The following POLQ variants were observed in gnomAD, a reference collection of about 807,000 sequenced individuals.
The protein encoded by POLQ is epididymis secretory sperm binding protein.
POLQ carries 233 observed loss-of-function variants against 259.2 expected under a neutral mutation model. The ratio of observed to expected loss-of-function variants is 0.90; its 90% CI spans 0.81 to 1.00. The LOEUF is 1.00. POLQ is among the 50% of genes least tolerant of loss of function. The pLI is 0.00. For synonymous variants in POLQ, 1,025 were observed against 1,048.8 expected (o/e 0.98, Z 0.44); for missense variants, 2,871 against 3,051.6 (o/e 0.94, Z 1.39).
In POLQ at chr3:121,485,081, A is replaced by G. The variant is rs533454804; in HGVS notation, c.5733T>C (p.Asp1911=). The G allele has an allele frequency of 1.2e-6, 2 of 1,612,962 alleles. No individual in the cohort carries two copies. Among genetic ancestry groups the G allele is most frequent in the African/African-American group, 2.7e-5 (2 of 75,008 alleles). The change falls in exon 17 of 30, where the codon GAT becomes GAC. Residue 1911 remains aspartate, a synonymous_variant. Transcript: ENST00000264233. ...CCTTCTGCAGTGAAAAATAATAGGC[A>G]TCCCTTCCACCCCAGCATACTGCCA... ...VGLAVCWGGR[D]AYYFSLQKEQ...
intron 5 of POLQ, among the ~76,000 whole-genome samples, chr3:121,535,136 CAA>C (rs1364487800): frequency 2.0e-5 from 3 of 152,144 alleles, no homozygotes; most frequent in African/African-American, 4.8e-5. Context: ...TGTTCTATCA[CAA>C]GAGAGATGTG....
intron 15 of POLQ, among the ~76,000 whole-genome samples, chr3:121,490,666 T>C (rs1560098406): frequency 1.3e-5 from 2 of 152,240 alleles, no homozygotes; most frequent in East Asian, 1.9e-4. Context: ...TGGGTGGTTC[T>C]GTAGTTTTTA....
chr3:121,496,715 C>G (rs1182586249), intron 14 of POLQ, 93 bp downstream of exon 14: 2 of 1,297,260 alleles, frequency 1.5e-6, no homozygotes, highest in South Asian at 1.4e-5. Context: ...TTTAAAGAAG[C>G]CTACAATAAA....
intron 9 of POLQ, among the ~76,000 whole-genome samples, chr3:121,513,270 C>T (rs551921316): frequency 1.3e-5 from 2 of 152,064 alleles, no homozygotes; most frequent in Admixed American, 1.3e-4. Flanking sequence ...TTATCAATGG[C>T]TGTTTATCCC....
intron 24 of POLQ, among the ~76,000 whole-genome samples, chr3:121,465,660 A>G (rs907167380): frequency 1.6e-4 from 25 of 152,088 alleles, no homozygotes; most frequent in African/African-American, 5.6e-4. Context: ...CCCTCTCATT[A>G]TTATCTGTTA....
At chr3:121,521,429 T>C (rs1371641384) in intron 8 of POLQ, 3 of 152,232 alleles carry the variant, frequency 2.0e-5, no homozygotes, top group Non-Finnish European at 4.4e-5. Context: ...TTTAAAAGTT[T>C]TAACATGCTA....
At chr3:121,441,302 C>T (rs1384670480) in intron 26 of POLQ, among the ~76,000 whole-genome samples, 4 of 152,146 alleles carry the variant, frequency 2.6e-5, no homozygotes. Flanking sequence ...AATACACTCG[C>T]TTTAAACAGC....
chr3:121,541,495 T>A lies in POLQ; in HGVS notation c.344-16A>T. On this transcript the variant is annotated splice_polypyrimidine_tract_variant and intron_variant, in intron 2 of 29. Transcript: ENST00000264233. ...CTTGTAGGAGCTAAAACATGATTAT[T>A]CCACAAGATTATAAGAAAAAAGTAA... 1 of 1,577,010 alleles carries A rather than the reference T, an allele frequency of 6.3e-7. No homozygotes were observed. Among genetic ancestry groups the A allele is most frequent in the Non-Finnish European group, 8.6e-7 (1 of 1,163,956 alleles).
Position 121,457,387 on chromosome 3 carries a change from A to T in POLQ, c.7152+2663T>A, listed in dbSNP as rs562072447. Among the ~76,000 whole-genome samples, 29 of 152,336 alleles carry T rather than the reference A, an allele frequency of 1.9e-4. 1 individual carries two copies. In the East Asian group the frequency reaches 5.6e-3, roughly 29 times the overall value. On this transcript the variant is annotated intron_variant, in intron 25 of 29. Coordinates refer to ENST00000264233, the MANE Select transcript of POLQ (RefSeq NM_199420.4). ...ACAAAAGCCAAAATTGACAAATGGG[A>T]TCTAATTAAACTAACGAGCTTCTGC... is the stretch of plus-strand genomic sequence containing the variant.
rs943782840 is a variant in POLQ at position 121,489,526 on chromosome 3, C to G, written c.3405G>C (p.Glu1135Asp). 6.2e-7 allele frequency: 1 copy of G among 1,613,610 alleles called. No homozygotes were observed. Among genetic ancestry groups the G allele is most frequent in the Non-Finnish European group, 8.5e-7 (1 of 1,179,820 alleles). ...NITLTNDNFVEHIVTGSQSKN... is the reference protein window; with the variant it reads ...NITLTNDNFVDHIVTGSQSKN... ...TACTCTGAGATCCTGTGACAATATG[C>G]TCCACAAAATTATCATTAGTTAGTG... is the stretch of plus-strand genomic sequence containing the variant. The change falls in exon 16 of 30, where the codon GAG (glutamate) becomes GAC (aspartate). Residue 1135 changes from glutamate (E) to aspartate (D), a missense_variant. By Grantham distance (45) the Glu-to-Asp change is conservative. This residue lies in a region of POLQ where 2,080 missense variants were observed against 2,126.0 expected (regional missense o/e 0.98). Coordinates refer to ENST00000264233, the MANE Select transcript of POLQ (RefSeq NM_199420.4).
At chr3:121,499,943 CA>C (rs2048154106) in intron 12 of POLQ, among the ~76,000 whole-genome samples, 1 of 152,050 alleles carries the variant, frequency 6.6e-6, no homozygotes, top group African/African-American at 2.4e-5. Flanking sequence ...ACAATAAAGA[CA>C]AAATTATTTT....
chr3:121,508,780 T>C (rs1380788816), intron 12 of POLQ, among the ~76,000 whole-genome samples: 2 of 152,234 alleles, frequency 1.3e-5, no homozygotes, highest in Non-Finnish European at 2.9e-5. Flanking sequence ...TTCATTCTAA[T>C]GAGAATTTCA....
rs1183574452 is a variant in POLQ, at chr3:121,493,576, C to T, written c.2424G>A (p.Arg808=). 4 of 1,613,974 alleles carry T rather than the reference C, an allele frequency of 2.5e-6. No individual in the cohort carries two copies. Among genetic ancestry groups the T allele is most frequent in the Non-Finnish European group, 3.4e-6 (4 of 1,179,914 alleles). Residue 808 remains arginine (R), a synonymous_variant, in exon 15 of 30, where the codon AGG becomes AGA. Coordinates refer to ENST00000264233, the MANE Select transcript of POLQ (RefSeq NM_199420.4). ...TATGAAAGCCAGAAGCATAGAGAACCCTGGCTCTCTGAGCATTTAGTAAGG... is the reference window on the plus strand; with the variant it reads ...TATGAAAGCCAGAAGCATAGAGAACTCTGGCTCTCTGAGCATTTAGTAAGG... ...RVSLLNAQRA[R]VLYASGFHTV...
intron 5 of POLQ, among the ~76,000 whole-genome samples, chr3:121,535,653 T>C (rs1576429302): frequency 6.7e-6 from 1 of 148,726 alleles, no homozygotes; most frequent in Non-Finnish European, 1.5e-5. Flanking sequence ...GAGATGGAGG[T>C]TGCAGTGAGC....
chr3:121,545,026 C>T (rs2048520610), intron 1 of POLQ, 120 bp from the exon 2 acceptor site: 1 of 598,792 alleles, frequency 1.7e-6, no homozygotes, highest in African/African-American at 1.9e-5. Flanking sequence ...AAAGCACATC[C>T]TGACTTCAAG....
chr3:121,481,053 A>C (rs1243988490), intron 19 of POLQ, among the ~76,000 whole-genome samples: 1 of 152,222 alleles, frequency 6.6e-6, no homozygotes, highest in Non-Finnish European at 1.5e-5. Flanking sequence ...ATTTGTCATG[A>C]GGGAAAAAAG....
At chr3:121,540,049 TTAA>T (rs1236127602) in intron 3 of POLQ, among the ~76,000 whole-genome samples, 1 of 152,014 alleles carries the variant, frequency 6.6e-6, no homozygotes, top group Non-Finnish European at 1.5e-5. Context: ...CAGTGGGACT[TTAA>T]TAATAATTTT....
Position 121,495,797 on chromosome 3 carries a change from C to T in POLQ, c.2278+1011G>A, listed in dbSNP as rs529197497. Among the ~76,000 whole-genome samples, 25 of 140,036 alleles carry T rather than the reference C, an allele frequency of 1.8e-4. No homozygotes were observed. In the South Asian group the frequency reaches 3.5e-3, roughly 19 times the overall value. 91.9% of individuals were successfully genotyped at this position (140,036 alleles called of 152,430 possible). ...CTGGGAGGCAGAGCTTTCAGTGAGC[C>T]GAGATGGCGCCACTGCACTCCAGCC... On this transcript the variant is annotated intron_variant, in intron 14 of 29. Coordinates refer to ENST00000264233, the MANE Select transcript of POLQ (RefSeq NM_199420.4).
chr3:121,453,656 T>C (rs2047701538), intron 25 of POLQ, among the ~76,000 whole-genome samples: 1 of 151,866 alleles, frequency 6.6e-6, no homozygotes, highest in Non-Finnish European at 1.5e-5. Context: ...GAAGATGAAA[T>C]GAAGCGAGAA....
Sources: allele counts gnomAD v4.1 joint callset (sites outside exome capture counted in the v4.1 genomes callset), GRCh38; gene constraint gnomAD v4.1.1; regional missense constraint gnomAD v4.1.1; transcripts MANE v1.5; gene names NCBI Gene and HGNC (gene_info 2026-07-23, HGNC 2026-07-21).